Variants in XKR9 observed in about 807,000 individuals in gnomAD.
XKR9 encodes the protein XK related 9.
XKR9 carries 32 observed loss-of-function variants against 32.0 expected under a neutral mutation model. That is an observed-to-expected ratio of 1.00 (90% confidence interval 0.76 to 1.34). The LOEUF (loss-of-function observed/expected upper bound fraction) is 1.34, where lower values mean the gene tolerates loss of function less well. Among genes scored for constraint, XKR9 ranks in the 40% most tolerant of loss-of-function variants. The probability of loss-of-function intolerance (pLI) is 0.00; values close to 1 mark genes in which losing one functional copy is unlikely to be tolerated. For synonymous variants in XKR9, 168 were observed against 143.4 expected (o/e 1.17, Z -1.22); for missense variants, 546 against 429.7 (o/e 1.27, Z -2.39).
the XKR9 span, among the ~76,000 whole-genome samples, chr8:71,008,670 A>G: frequency 1.3e-5 from 2 of 152,176 alleles, no homozygotes; most frequent in East Asian, 3.8e-4. Context: ...TCTGTTGCAC[A>G]GGCTGGAGTG....
the XKR9 span, among the ~76,000 whole-genome samples, chr8:70,828,098 C>T: frequency 6.6e-6 from 1 of 152,148 alleles, no homozygotes; most frequent in South Asian, 2.1e-4. Flanking sequence ...AAGATGGGAG[C>T]AACTGACTGA....
intron 2 of XKR9, among the ~76,000 whole-genome samples, chr8:70,746,525 CA>C (rs1321313885): frequency 2.7e-5 from 4 of 150,114 alleles, no homozygotes; most frequent in African/African-American, 7.3e-5. Flanking sequence ...AGGGAATTTG[CA>C]GTTTCTTTCT....
intron 3 of XKR9, among the ~76,000 whole-genome samples, chr8:70,698,622 G>A (rs1222939674): frequency 7.9e-5 from 12 of 151,494 alleles, no homozygotes; most frequent in Middle Eastern, 3.2e-3. Flanking sequence ...GTCAATTTTG[G>A]AATAGGTGTG....
At chr8:70,836,514 TG>T in the XKR9 span, among the ~76,000 whole-genome samples, 1 of 152,196 alleles carries the variant, frequency 6.6e-6, no homozygotes, top group Non-Finnish European at 1.5e-5. Context: ...ACCAGGAATT[TG>T]TTCCTTATAT....
intron 2 of XKR9, among the ~76,000 whole-genome samples, chr8:70,757,957 C>T (rs866512220): frequency 2.0e-5 from 3 of 152,148 alleles, no homozygotes; most frequent in Admixed American, 2.0e-4. Context: ...GTTGTTTTGA[C>T]AGGAAATTTA....
At chr8:71,041,376 C>A in the XKR9 span, among the ~76,000 whole-genome samples, 2 of 152,090 alleles carry the variant, frequency 1.3e-5, no homozygotes, top group Non-Finnish European at 2.9e-5. Flanking sequence ...AAGTAAAATG[C>A]AGGCTATGTT....
In XKR9 at chr8:70,685,283, G is replaced by A. The variant is rs975665881; in HGVS notation, c.272+3953G>A. ...CACCGCATATTCTCACTCGTAGGTG[G>A]GAATTGAACAATGAGAACACATGGA... On this transcript the variant is annotated intron_variant, in intron 3 of 4. Transcript: ENST00000408926. Among the ~76,000 whole-genome samples the A allele has an allele frequency of 4.9e-5, 7 of 142,074 alleles. No individual in the cohort carries two copies. The South Asian group carries it at 6.9e-4, about 14-fold the overall frequency. 93.2% of individuals were successfully genotyped at this position (142,074 alleles called of 152,430 possible).
the XKR9 span, among the ~76,000 whole-genome samples, chr8:70,842,536 A>C: frequency 7.8e-6 from 1 of 128,880 alleles, no homozygotes; most frequent in African/African-American, 3.1e-5. Context: ...ACATCCCTTT[A>C]CATCATTATT....
At chr8:70,776,923 T>C (rs11269411) in intron 2 of XKR9, among the ~76,000 whole-genome samples, 6,269 of 58,728 alleles carry the variant, frequency 0.11, 551 homozygotes, top group Middle Eastern at 0.17. Context: ...TTCTCTTTCT[T>C]TCTCTCTCTC....
chr8:70,991,279 G>C, the XKR9 span, among the ~76,000 whole-genome samples: 2 of 152,002 alleles, frequency 1.3e-5, no homozygotes, highest in African/African-American at 2.4e-5. Flanking sequence ...AGCTTAACTG[G>C]GTCAGTCCTT....
chr8:70,753,082 C>T (rs1262814760), intron 2 of XKR9, among the ~76,000 whole-genome samples: 3 of 152,034 alleles, frequency 2.0e-5, no homozygotes, highest in Middle Eastern at 3.2e-3. Context: ...ATAAAGGGGA[C>T]ATCACCACCG....
chr8:70,801,628 T>C, the XKR9 span, among the ~76,000 whole-genome samples: 1 of 152,186 alleles, frequency 6.6e-6, no homozygotes, highest in Non-Finnish European at 1.5e-5. Context: ...ATGAGAAGAA[T>C]GTGTATTCTG....
At chr8:70,687,360 C>CTTTCTTTCTTTCTT (rs1819330670) in intron 3 of XKR9, among the ~76,000 whole-genome samples, 1 of 44,946 alleles carries the variant, frequency 2.2e-5, no homozygotes, top group African/African-American at 8.6e-5. Context: ...CTTTCTTTCT[C>CTTTCTTTCTTTCTT]TCTTTCCTTT....
the XKR9 span, among the ~76,000 whole-genome samples, chr8:70,958,023 G>A: frequency 6.6e-6 from 1 of 152,080 alleles, no homozygotes; most frequent in Non-Finnish European, 1.5e-5. Flanking sequence ...CTCGATCTCA[G>A]GTGATCCACC....
chr8:70,783,601 G>T (rs556640412), intron 2 of XKR9, among the ~76,000 whole-genome samples: 1 of 151,902 alleles, frequency 6.6e-6, no homozygotes, highest in African/African-American at 2.4e-5. Context: ...GTATATTTTG[G>T]ATATTAACCA....
At chr8:70,978,135 C>T in the XKR9 span, among the ~76,000 whole-genome samples, 3 of 152,188 alleles carry the variant, frequency 2.0e-5, no homozygotes, top group African/African-American at 7.2e-5. Context: ...TGTCTCTGCA[C>T]GTGAGATGGG....
At chr8:70,716,064 A>G (rs188344697) in intron 4 of XKR9, among the ~76,000 whole-genome samples, 156 of 152,238 alleles carry the variant, frequency 1.0e-3, no homozygotes, top group African/African-American at 3.6e-3. Context: ...GACTGGAAGC[A>G]AGACTTAAGA....
intron 3 of XKR9, among the ~76,000 whole-genome samples, chr8:70,706,153 T>C (rs570975135): frequency 2.6e-5 from 4 of 152,278 alleles, no homozygotes; most frequent in Admixed American, 1.3e-4. Flanking sequence ...ATAAAGACTT[T>C]TGATAAGCTT....
chr8:70,811,194 G>A, the XKR9 span, among the ~76,000 whole-genome samples: 1 of 151,972 alleles, frequency 6.6e-6, no homozygotes, highest in Non-Finnish European at 1.5e-5. Flanking sequence ...ATGACTACTG[G>A]GTACATAACG....
Sources: gnomAD v4.1 joint callset for allele counts (sites outside exome capture counted in the v4.1 genomes callset) on GRCh38, gnomAD v4.1.1 for gene constraint, MANE v1.5 for transcripts, NCBI Gene and HGNC (gene_info 2026-07-23, HGNC 2026-07-21) for gene names.